The following GEMIN5 variants were observed in gnomAD, a reference collection of about 807,000 sequenced individuals.
The protein encoded by GEMIN5 is gem-associated protein 5.
A neutral mutation model predicts 176.9 loss-of-function variants in GEMIN5; 124 were observed. The ratio of observed to expected loss-of-function variants is 0.70; its 90% CI spans 0.61 to 0.81. The LOEUF (loss-of-function observed/expected upper bound fraction) is 0.81. GEMIN5 is among the 40% of genes least tolerant of loss of function. GEMIN5 has a pLI of 0.00. For missense variants in GEMIN5, 1,843 were observed against 1,814.6 expected, an observed-to-expected ratio of 1.02 and a Z score of -0.28; for synonymous variants, 673 against 665.2, an observed-to-expected ratio of 1.01 and a Z score of -0.18.
In GEMIN5 at chr5:154,902,408, T is replaced by C. The variant is rs887354611; in HGVS notation, c.2866+131A>G. 1.3e-5 allele frequency: 10 copies of C among 796,670 alleles called. No homozygotes were observed. In the African/African-American group the frequency reaches 1.7e-4, roughly 14 times the overall value. 49.4% of individuals were successfully genotyped at this position (796,670 alleles called of 1,614,324 possible). A position where few individuals can be genotyped will look rare whatever the true frequency, so the allele number is the denominator to read the frequency against. On this transcript the variant is annotated intron_variant, in intron 20 of 27. Transcript: ENST00000285873. ...GGGTTGGATTTATTAGTTTGTCTAT[T>C]GCTGTCTATTGCTTTGTATCTATTT...
chr5:154,907,929 C>T, intron 15 of GEMIN5, 111 bp from the exon 16 acceptor site: 1 of 721,490 alleles, frequency 1.4e-6, no homozygotes, highest in Non-Finnish European at 2.4e-6. Context: ...TTACCCATTC[C>T]CTTTCTTCTC....
At chr5:154,920,247 A>G (rs1763897209) in intron 10 of GEMIN5, 144 bp from the exon 11 acceptor site, 1 of 547,254 alleles carries the variant, frequency 1.8e-6, no homozygotes, top group African/African-American at 1.9e-5. Context: ...GAATAAAATC[A>G]CTGTTCTTTC....
At chr5:154,898,307 T>C (rs1763395589) in intron 23 of GEMIN5, 133 bp downstream of exon 23, 1 of 737,964 alleles carries the variant, frequency 1.4e-6, no homozygotes, top group South Asian at 1.6e-5. Flanking sequence ...TTCAGTGGGA[T>C]AGCATGGCCA....
intron 23 of GEMIN5, 92 bp downstream of exon 23, chr5:154,898,348 C>T: frequency 8.7e-7 from 1 of 1,154,050 alleles, no homozygotes. Context: ...ATTGGCACAG[C>T]TTGTGCAACT....
At chr5:154,895,941 C>CT in intron 24 of GEMIN5, 151 bp downstream of exon 24, 2 of 784,976 alleles carry the variant, frequency 2.5e-6, no homozygotes, top group Non-Finnish European at 4.2e-6. Context: ...TTTGATTAGT[C>CT]TAAAGGGATC....
chr5:154,919,989 A>T lies in GEMIN5; in HGVS notation c.1577T>A (p.Ile526Asn), dbSNP rs1294795987. The T allele has an allele frequency of 6.2e-7, 1 of 1,613,774 alleles. No homozygotes were observed. Among genetic ancestry groups the T allele is most frequent in the Non-Finnish European group, 8.5e-7 (1 of 1,179,832 alleles). ...SGEAFDINKLIRDTNSIKYKL... is the reference protein window; with the variant it reads ...SGEAFDINKLNRDTNSIKYKL... ...CACTTTGATTGAATTGGTGTCCCTGATGAGTTTGTTGATGTCAAAGGCTTC... is the reference window on the plus strand; with the variant it reads ...CACTTTGATTGAATTGGTGTCCCTGTTGAGTTTGTTGATGTCAAAGGCTTC... The change falls in exon 11 of 28, where the codon ATC (isoleucine) becomes AAC (asparagine). Residue 526 changes from isoleucine (I) to asparagine (N), a missense_variant. Physicochemically the swap from Ile to Asn is moderately radical, Grantham distance 149 (BLOSUM62 -3). Coordinates refer to ENST00000285873, the MANE Select transcript of GEMIN5 (RefSeq NM_015465.5).
Position 154,905,424 on chromosome 5 carries a change from T to C in GEMIN5, c.2448A>G (p.Ser816=), listed in dbSNP as rs140256959. ...CTPVSSGFEK[S]KVTINNKVIL... ...TGACTTTGTTATTAATGGTGACTTT[T>C]GACTTTTCAAAGCCTGAGGAAACTG... is the stretch of plus-strand genomic sequence containing the variant. The change falls in exon 17 of 28, where the codon TCA becomes TCG. Residue 816 remains serine, a synonymous_variant. Transcript: ENST00000285873. 2.0e-4 allele frequency: 320 copies of C among 1,610,598 alleles called. No individual in the cohort carries two copies. The highest frequency in any genetic ancestry group is 2.5e-4 in the Non-Finnish European group (294 of 1,177,980).
chr5:154,928,741 G>T, intron 5 of GEMIN5, 82 bp from the exon 6 acceptor site: 1 of 1,249,076 alleles, frequency 8.0e-7, no homozygotes, highest in Admixed American at 1.9e-5. Flanking sequence ...ATAACACACA[G>T]TCTGCGCTGT....
At chr5:154,907,951 A>G (rs935581414) in intron 15 of GEMIN5, 133 bp from the exon 16 acceptor site, 6 of 656,868 alleles carry the variant, frequency 9.1e-6, no homozygotes, top group Non-Finnish European at 1.6e-5. Flanking sequence ...ATGAACTTTT[A>G]GAATTATATT....
In GEMIN5 at chr5:154,938,046, A is replaced by G; in HGVS notation, c.88T>C (p.Phe30Leu). Residue 30 changes from phenylalanine (F) to leucine (L), a missense_variant, in exon 1 of 28, where the codon TTC (phenylalanine) becomes CTC (leucine). Phe to Leu is a conservative substitution (Grantham distance 22). Transcript: ENST00000285873. Reference sequence around the variant, plus strand: ...AGGAAGACGGAGGTCCGCGCGGCGAAGCCAAAGAGGCCCCCGGGCACGGCA... The same window carrying G: ...AGGAAGACGGAGGTCCGCGCGGCGAGGCCAAAGAGGCCCCCGGGCACGGCA... ...SDAVPGGLFG[F>L]AARTSVFLVR... The G allele has an allele frequency of 6.5e-7, 1 of 1,547,014 alleles. No individual in the cohort carries two copies. The highest frequency in any genetic ancestry group is 8.7e-7 in the Non-Finnish European group (1 of 1,150,522).
chr5:154,904,618 T>C lies in GEMIN5; in HGVS notation c.2521A>G (p.Lys841Glu). The C allele has an allele frequency of 3.7e-6, 6 of 1,611,214 alleles. No homozygotes were observed. Among genetic ancestry groups the C allele is most frequent in the Non-Finnish European group, 5.1e-6 (6 of 1,177,526 alleles). ...PPKEKPETLI[K>E]KRKARSLLPL... ...AGCAAGGAACGAGCTTTTCTCTTCT[T>C]GATTAAGGTTTCTGAAATTTAATAA... Residue 841 changes from lysine to glutamate, a missense_variant, in exon 18 of 28, where the codon AAG becomes GAG. Lys to Glu is a moderately conservative substitution (Grantham distance 56). Transcript: ENST00000285873.
At chr5:154,902,791 C>G (rs1763491810) in intron 19 of GEMIN5, 115 bp from the exon 20 acceptor site, 4 of 1,054,870 alleles carry the variant, frequency 3.8e-6, no homozygotes, top group Non-Finnish European at 5.6e-6. Flanking sequence ...TGCAGTCATT[C>G]TCTGATGGGT....
chr5:154,923,665 G>A (rs1359722996), intron 9 of GEMIN5, among the ~76,000 whole-genome samples: 1 of 152,124 alleles, frequency 6.6e-6, no homozygotes, highest in African/African-American at 2.4e-5. Flanking sequence ...TTTTTCTCCA[G>A]CCACTTAAAA....
At chr5:154,911,456 C>T (rs13181649) in intron 15 of GEMIN5, among the ~76,000 whole-genome samples, 146,133 of 152,258 alleles carry the variant, frequency 0.96, 70,189 homozygotes, top group South Asian at 0.99. Flanking sequence ...GAGGCTGCAG[C>T]GAGCCAAGAT....
In GEMIN5 at chr5:154,904,507, C is replaced by T. The variant is rs1355093388; in HGVS notation, c.2632G>A (p.Glu878Lys). 1 of 1,613,318 alleles carries T rather than the reference C, an allele frequency of 6.2e-7. No homozygotes were observed. The highest frequency in any genetic ancestry group is 8.5e-7 in the Non-Finnish European group (1 of 1,179,452). Residue 878 changes from glutamate (E) to lysine (K), a missense_variant and splice_region_variant, in exon 18 of 28, where the codon GAG (glutamate) becomes AAG (lysine). Glu to Lys is a moderately conservative substitution (Grantham distance 56, BLOSUM62 1). Coordinates refer to ENST00000285873, the MANE Select transcript of GEMIN5 (RefSeq NM_015465.5). ...GGGCCAAGGAAGTACATTTTTGTACCTCTGGAGTGCTTTGCAGTTGCTAGT... is the reference window on the plus strand; with the variant it reads ...GGGCCAAGGAAGTACATTTTTGTACTTCTGGAGTGCTTTGCAGTTGCTAGT... ...LVLATAKHSR[E>K]LNEDVSADVE...
chr5:154,916,153 G>A (rs1763805020), intron 13 of GEMIN5, among the ~76,000 whole-genome samples: 1 of 151,958 alleles, frequency 6.6e-6, no homozygotes, highest in African/African-American at 2.4e-5. Flanking sequence ...CTCCCAAAGT[G>A]CTAGGATTAC....
chr5:154,898,415 C>G lies in GEMIN5; in HGVS notation c.3345+25G>C, dbSNP rs200994174. The stretch of plus-strand genomic sequence containing the variant: ...ATTTGGGACACTTCCCTCTTGTATA[C>G]TAGGAGATGAAATAACAGACTGACC... On this transcript the variant is annotated intron_variant, in intron 23 of 27. Transcript: ENST00000285873. 3.2e-6 allele frequency: 5 copies of G among 1,571,678 alleles called. No individual in the cohort carries two copies. In the Admixed American group the frequency reaches 5.0e-5, roughly 16 times the overall value.
chr5:154,922,697 GT>G (rs941015595), intron 9 of GEMIN5, among the ~76,000 whole-genome samples: 231 of 135,310 alleles, frequency 1.7e-3, no homozygotes, highest in African/African-American at 3.3e-3. Context: ...CTTTAAAACA[GT>G]TTTTTTTTTT....
In GEMIN5 at chr5:154,907,834, T is replaced by C. The variant is rs1763603567; in HGVS notation, c.2168-16A>G. The stretch of plus-strand genomic sequence containing the variant: ...CTTTTTTTGCCTACAAGAATCACAA[T>C]AAAGGACTGACTAAAGTATACATTC... On this transcript the variant is annotated splice_polypyrimidine_tract_variant and intron_variant, in intron 15 of 27. Coordinates refer to ENST00000285873, the MANE Select transcript of GEMIN5 (RefSeq NM_015465.5). 2 of 1,560,938 alleles carry C rather than the reference T, an allele frequency of 1.3e-6. No homozygotes were observed. The highest frequency in any genetic ancestry group is 1.8e-6 in the Non-Finnish European group (2 of 1,136,692).
Sources: allele counts gnomAD v4.1 joint callset (sites outside exome capture counted in the v4.1 genomes callset), GRCh38; gene constraint gnomAD v4.1.1; transcripts MANE v1.5; gene names NCBI Gene and HGNC (gene_info 2026-07-23, HGNC 2026-07-21).